Variants in CRCP observed in about 807,000 individuals in gnomAD.
CRCP encodes CGRP receptor component.
CRCP carries 18 observed loss-of-function variants against 18.5 expected under a neutral mutation model. The ratio of observed to expected loss-of-function variants is 0.97; its 90% CI spans 0.67 to 1.44. The LOEUF (loss-of-function observed/expected upper bound fraction) is 1.44. Ranked by LOEUF, CRCP falls within the 40% of genes most tolerant of loss-of-function variation. The pLI is 0.00. For synonymous variants in CRCP, 53 were observed against 62.9 expected (o/e 0.84, Z 0.75); for missense variants, 130 against 176.4 (o/e 0.74, Z 1.49).
intron 1 of CRCP, among the ~76,000 whole-genome samples, chr7:66,126,367 CAA>C (rs67015067): frequency 0.74 from 110,049 of 148,054 alleles, 43,383 homozygotes; most frequent in African/African-American, 0.82. Flanking sequence ...TTGCACATTA[CAA>C]ATCAAGTGCA....
intron 1 of CRCP, among the ~76,000 whole-genome samples, chr7:66,123,828 G>A (rs1204390596): frequency 2.7e-5 from 4 of 150,842 alleles, no homozygotes; most frequent in East Asian, 1.9e-4. Flanking sequence ...CGAGGCGGGC[G>A]GATCATAAGG....
At chr7:66,142,061 T>G (rs941852575) in intron 4 of CRCP, among the ~76,000 whole-genome samples, 2 of 151,810 alleles carry the variant, frequency 1.3e-5, no homozygotes, top group African/African-American at 4.8e-5. Flanking sequence ...CCTCTGTAGC[T>G]TTTAGTCTTT....
At chr7:66,151,575 C>CAAAAA (rs928350330) in intron 5 of CRCP, among the ~76,000 whole-genome samples, 12 of 144,926 alleles carry the variant, frequency 8.3e-5, no homozygotes, top group African/African-American at 3.0e-4. Context: ...CCTGCCCCCC[C>CAAAAA]AAAAAAAAAA....
At chr7:66,126,981 A>G (rs1282743301) in intron 1 of CRCP, among the ~76,000 whole-genome samples, 1 of 152,196 alleles carries the variant, frequency 6.6e-6, no homozygotes, top group African/African-American at 2.4e-5. Context: ...TACTAGTTTC[A>G]TCCCATTTTT....
chr7:66,145,404 G>A (rs1255367804), intron 4 of CRCP, 39 bp from the exon 5 acceptor site: 2 of 1,608,130 alleles, frequency 1.2e-6, no homozygotes, highest in Non-Finnish European at 1.7e-6. Context: ...CAGGACTTAG[G>A]GCTATGCGAG....
At chr7:66,120,398 C>A (rs456663) in intron 1 of CRCP, among the ~76,000 whole-genome samples, 4 of 152,074 alleles carry the variant, frequency 2.6e-5, no homozygotes, top group East Asian at 1.9e-4. Context: ...CAGCCTGTCC[C>A]CTTCTGCCAA....
intron 1 of CRCP, 138 bp downstream of exon 1, chr7:66,115,108 G>T: frequency 7.9e-7 from 1 of 1,271,162 alleles, no homozygotes; most frequent in Non-Finnish European, 1.1e-6. Context: ...GTCCGGGAGG[G>T]CCGCGGGGTG....
chr7:66,118,673 C>T lies in CRCP; in HGVS notation c.8+3703C>T, dbSNP rs114098396. On this transcript the variant is annotated intron_variant, in intron 1 of 5. Transcript: ENST00000395326. ...TTGCATATAATCTATGCACATTCTC[C>T]CATATACTTTAAATCATCTCTAGAT... 2.3e-3 allele frequency among the ~76,000 whole-genome samples: 345 copies of T among 152,264 alleles called. 2 individuals are homozygous for T. The highest frequency in any genetic ancestry group is 7.9e-3 in the African/African-American group (328 of 41,560).
In CRCP at chr7:66,127,624, G is replaced by C. The variant is rs1787654602; in HGVS notation, c.9-80G>C. 8 of 1,509,042 alleles carry C rather than the reference G, an allele frequency of 5.3e-6. No individual in the cohort carries two copies. The South Asian group carries it at 7.9e-5, about 15-fold the overall frequency. The allele number at this position is 1,509,042 out of a possible 1,614,324, so 93.5% of individuals were successfully genotyped here. A position where few individuals can be genotyped will look rare whatever the true frequency, so the allele number is the denominator to read the frequency against. The stretch of plus-strand genomic sequence containing the variant: ...TTCAAAAAGTGGACTACTGTATCTT[G>C]ACAGGAATTCTTTTACAGAATTTGA... On this transcript the variant is annotated intron_variant, in intron 1 of 5. Transcript: ENST00000395326.
At chr7:66,152,136 G>C in intron 5 of CRCP, 72 bp from the exon 6 acceptor site, 3 of 1,568,900 alleles carry the variant, frequency 1.9e-6, no homozygotes, top group Non-Finnish European at 2.6e-6. Context: ...GAGACCATGA[G>C]CACAGTGGGC....
chr7:66,115,682 T>C (rs374389262), intron 1 of CRCP, among the ~76,000 whole-genome samples: 10 of 152,226 alleles, frequency 6.6e-5, no homozygotes, highest in Admixed American at 6.5e-4. Context: ...ACGGTTGATA[T>C]TAATTTGTAG....
intron 1 of CRCP, among the ~76,000 whole-genome samples, chr7:66,125,639 G>A (rs971333036): frequency 2.0e-5 from 3 of 149,052 alleles, no homozygotes; most frequent in Admixed American, 6.7e-5. Flanking sequence ...GGCAGAGGGT[G>A]TTCTTTGGAT....
At chr7:66,146,042 T>C (rs1174314388) in intron 5 of CRCP, among the ~76,000 whole-genome samples, 1 of 152,192 alleles carries the variant, frequency 6.6e-6, no homozygotes, top group East Asian at 1.9e-4. Flanking sequence ...CTGTCTTCGT[T>C]CTTGCTTCTC....
Position 66,114,878 on chromosome 7 carries a change from T to C in CRCP, c.-85T>C, listed in dbSNP as rs767753584. 13 of 1,608,308 alleles carry C rather than the reference T, an allele frequency of 8.1e-6. No individual in the cohort carries two copies. The highest frequency in any genetic ancestry group is 6.7e-5 in the African/African-American group (5 of 74,780). ...CACCTTGGCGCGCGGAGCTGGCACCTTGGCGCTGTTGGTGGCGGCGGAGAC... is the reference window on the plus strand; with the variant it reads ...CACCTTGGCGCGCGGAGCTGGCACCCTGGCGCTGTTGGTGGCGGCGGAGAC... On this transcript the variant is annotated 5_prime_UTR_variant, in exon 1 of 6. Transcript: ENST00000395326.
chr7:66,136,478 C>T (rs1787975057), intron 4 of CRCP, among the ~76,000 whole-genome samples: 1 of 152,070 alleles, frequency 6.6e-6, no homozygotes, highest in South Asian at 2.1e-4. Context: ...GATCCATCCA[C>T]CTCGACCTCT....
intron 4 of CRCP, among the ~76,000 whole-genome samples, chr7:66,143,345 C>T (rs1788194633): frequency 6.6e-6 from 1 of 152,228 alleles, no homozygotes; most frequent in Non-Finnish European, 1.5e-5. Context: ...TTGACCAAGT[C>T]ACACCCAGCC....
At chr7:66,141,761 C>G (rs565123195) in intron 4 of CRCP, among the ~76,000 whole-genome samples, 4 of 152,258 alleles carry the variant, frequency 2.6e-5, no homozygotes, top group African/African-American at 9.6e-5. Context: ...TTTTGGTGAT[C>G]ACTTGGGCAA....
At chr7:66,139,047 G>T (rs1406552506) in intron 4 of CRCP, among the ~76,000 whole-genome samples, 1 of 152,064 alleles carries the variant, frequency 6.6e-6, no homozygotes, top group African/African-American at 2.4e-5. Flanking sequence ...TGATACTGCT[G>T]TACAGGTCTT....
intron 4 of CRCP, among the ~76,000 whole-genome samples, chr7:66,140,683 G>A (rs912583244): frequency 3.3e-5 from 5 of 152,166 alleles, no homozygotes; most frequent in Middle Eastern, 3.2e-3. Flanking sequence ...GAGTCACTGC[G>A]CCCGGCTGTG....
Sources: allele counts gnomAD v4.1 joint callset (sites outside exome capture counted in the v4.1 genomes callset), GRCh38; gene constraint gnomAD v4.1.1; transcripts MANE v1.5; gene names NCBI Gene and HGNC (gene_info 2026-07-23, HGNC 2026-07-21).